CDKAL1: variants seen among roughly 807,000 people sequenced by gnomAD.
CDKAL1 encodes CDKAL1 threonylcarbamoyladenosine tRNA methylthiotransferase.
Under a neutral mutation model 68.2 loss-of-function variants are expected in CDKAL1, and 32 were observed. That is an observed-to-expected ratio of 0.47 (90% CI 0.35 to 0.63). The LOEUF is 0.63. Ranked by LOEUF, CDKAL1 falls within the 30% of genes least tolerant of loss-of-function variation. The pLI is 0.00. For synonymous variants in CDKAL1, 234 were observed against 244.3 expected, an observed-to-expected ratio of 0.96 and a Z score of 0.39; for missense variants, 606 against 696.7, an observed-to-expected ratio of 0.87 and a Z score of 1.47.
chr6:20,588,528 A>G (rs1765467190), intron 4 of CDKAL1, among the ~76,000 whole-genome samples: 1 of 152,234 alleles, frequency 6.6e-6, no homozygotes, highest in Admixed American at 6.5e-5. Context: ...AGAATAAGGC[A>G]TCTTCGATTA....
At chr6:21,063,015 A>G (rs536933465) in intron 11 of CDKAL1, among the ~76,000 whole-genome samples, 2 of 152,312 alleles carry the variant, frequency 1.3e-5, no homozygotes, top group East Asian at 3.9e-4. Context: ...CCCGGGTTCA[A>G]GCAATTCTCC....
intron 8 of CDKAL1, among the ~76,000 whole-genome samples, chr6:20,813,291 C>T (rs1050128566): frequency 6.6e-6 from 1 of 151,980 alleles, no homozygotes; most frequent in Non-Finnish European, 1.5e-5. Flanking sequence ...ATCTTTTGTC[C>T]TTTTTTATTG....
At position 20,739,526 on chromosome 6, in the gene CDKAL1, C is replaced by A; in HGVS notation, c.379C>A (p.Gln127Lys). 1 of 1,607,278 alleles carries A rather than the reference C, an allele frequency of 6.2e-7. No individual in the cohort carries two copies. Among genetic ancestry groups the A allele is most frequent in the South Asian group, 1.1e-5 (1 of 90,636 alleles). The change falls in exon 6 of 16, where the codon CAA (glutamine) becomes AAA (lysine). Residue 127 changes from glutamine (Q) to lysine (K), a missense_variant. Coordinates refer to ENST00000274695, the MANE Select transcript of CDKAL1 (RefSeq NM_017774.3). ...TTCTCTTCAATCTTTTAGAAAAGCT[C>A]AAGAGGAGAACAAGAAAATCGTACT... ...DHFRNSIKKAQEENKKIVLAG... is the reference protein window; with the variant it reads ...DHFRNSIKKAKEENKKIVLAG...
chr6:21,037,155 G>C (rs910125082), intron 11 of CDKAL1, among the ~76,000 whole-genome samples: 21 of 152,076 alleles, frequency 1.4e-4, no homozygotes, highest in African/African-American at 5.1e-4. Context: ...ACACTGTTTT[G>C]ATGGAAAAGT....
At chr6:21,093,709 T>A (rs1446242731) in intron 12 of CDKAL1, among the ~76,000 whole-genome samples, 2 of 40,156 alleles carry the variant, frequency 5.0e-5, no homozygotes, top group East Asian at 4.5e-4. Context: ...TTTTTTTTTT[T>A]TTTTTTTTTT....
chr6:21,061,678 T>G (rs1771144627), intron 11 of CDKAL1, among the ~76,000 whole-genome samples: 1 of 152,156 alleles, frequency 6.6e-6, no homozygotes, highest in Non-Finnish European at 1.5e-5. Context: ...TAAAGAGAAT[T>G]ATTTACTAGG....
At chr6:20,549,299 G>T (rs1225368315) in intron 4 of CDKAL1, among the ~76,000 whole-genome samples, 2 of 152,018 alleles carry the variant, frequency 1.3e-5, no homozygotes, top group African/African-American at 4.8e-5. Context: ...GAGGTTCTGG[G>T]TTTTTGGCAA....
intron 5 of CDKAL1, among the ~76,000 whole-genome samples, chr6:20,692,259 C>CT (rs1770904242): frequency 6.6e-6 from 1 of 152,144 alleles, no homozygotes; most frequent in Non-Finnish European, 1.5e-5. Context: ...GTCAAAATGA[C>CT]TAAAGATTTA....
At chr6:20,793,636 T>A (rs1775991616) in intron 8 of CDKAL1, among the ~76,000 whole-genome samples, 1 of 151,942 alleles carries the variant, frequency 6.6e-6, no homozygotes, top group African/African-American at 2.4e-5. Flanking sequence ...ATTGGAGATT[T>A]GTCATCCAAA....
At chr6:20,618,419 T>G (rs1767024350) in intron 4 of CDKAL1, among the ~76,000 whole-genome samples, 2 of 152,208 alleles carry the variant, frequency 1.3e-5, no homozygotes, top group South Asian at 2.1e-4. Context: ...TTAGTTTAAT[T>G]AGATCCCATT....
Position 20,546,367 on chromosome 6 carries a change from G to A in CDKAL1, c.17G>A (p.Cys6Tyr). 1 of 1,613,206 alleles carries A rather than the reference G, an allele frequency of 6.2e-7. No individual in the cohort carries two copies. The highest frequency in any genetic ancestry group is 8.5e-7 in the Non-Finnish European group (1 of 1,179,494). Residue 6 changes from cysteine to tyrosine, a missense_variant, in exon 3 of 16, where the codon TGT (cysteine) becomes TAT (tyrosine). By Grantham distance (194) the Cys-to-Tyr change is radical. Transcript: ENST00000274695. ...GTAGAGAATATGCCTTCTGCATCCTGTGATACACTACTGGATGACATCGAA... is the reference window on the plus strand; with the variant it reads ...GTAGAGAATATGCCTTCTGCATCCTATGATACACTACTGGATGACATCGAA... MPSAS[C>Y]DTLLDDIEDI...
rs567530460 is a variant in CDKAL1, at chr6:21,103,218, C to T, written c.1237-5183C>T. ...TTGGGGAACCAAAAGAAATTAAGTT[C>T]GTGGATGCTGCTAAAATTTGATTGG... On this transcript the variant is annotated intron_variant, in intron 12 of 15. Transcript: ENST00000274695. Among the ~76,000 whole-genome samples the T allele has an allele frequency of 4.0e-4, 61 of 152,180 alleles. 1 individual carries two copies. The South Asian group carries it at 0.013, about 32-fold the overall frequency.
chr6:20,834,261 A>G (rs748415875), intron 8 of CDKAL1, among the ~76,000 whole-genome samples: 4 of 152,220 alleles, frequency 2.6e-5, no homozygotes, highest in South Asian at 4.1e-4. Context: ...TGAAAGGCCA[A>G]TACCATGTTT....
intron 15 of CDKAL1, among the ~76,000 whole-genome samples, chr6:21,208,872 G>A (rs1181767821): frequency 6.6e-6 from 1 of 152,142 alleles, no homozygotes; most frequent in Non-Finnish European, 1.5e-5. Flanking sequence ...ACTGTGTTTA[G>A]TGTGTTTACA....
At chr6:21,057,661 C>T (rs1223460035) in intron 11 of CDKAL1, among the ~76,000 whole-genome samples, 2 of 132,030 alleles carry the variant, frequency 1.5e-5, no homozygotes, top group East Asian at 4.1e-4. Context: ...GCATTTAGTG[C>T]TATAAATTTT....
chr6:20,841,449 G>A (rs1045205086), intron 8 of CDKAL1, among the ~76,000 whole-genome samples: 1 of 152,078 alleles, frequency 6.6e-6, no homozygotes, highest in African/African-American at 2.4e-5. Context: ...AAAAAGAATA[G>A]GTATGTTAAA....
chr6:21,191,992 CTTTTTTTTTTTTTTTTTTTTTTTTT>C (rs145894251), intron 13 of CDKAL1, among the ~76,000 whole-genome samples: 49 of 34,530 alleles, frequency 1.4e-3, no homozygotes, highest in African/African-American at 4.6e-3. Context: ...ATTCATTTTT[CTTTTTTTTTTTTTTTTTTTTTTTTT>C]TTTTTTTTTT....
chr6:20,891,989 C>G (rs996629862), intron 9 of CDKAL1, among the ~76,000 whole-genome samples: 2 of 151,792 alleles, frequency 1.3e-5, no homozygotes, highest in Non-Finnish European at 2.9e-5. Context: ...TTTTTCATGT[C>G]TTGCCTCTTC....
intron 13 of CDKAL1, among the ~76,000 whole-genome samples, chr6:21,144,429 A>G (rs1265513514): frequency 1.3e-5 from 2 of 152,144 alleles, no homozygotes; most frequent in Non-Finnish European, 1.5e-5. Flanking sequence ...GCAGTTTCAT[A>G]TACTGGGAAT....
Sources: gnomAD v4.1 joint callset for allele counts (sites outside exome capture counted in the v4.1 genomes callset) on GRCh38, gnomAD v4.1.1 for gene constraint, MANE v1.5 for transcripts, NCBI Gene and HGNC (gene_info 2026-07-23, HGNC 2026-07-21) for gene names.